Variants in HHIP observed in about 807,000 individuals in gnomAD.
The protein encoded by HHIP is hedgehog-interacting protein.
A neutral mutation model predicts 74.0 loss-of-function variants in HHIP; 12 were observed. The ratio of observed to expected loss-of-function variants is 0.16; its 90% CI spans 0.10 to 0.26. The LOEUF (loss-of-function observed/expected upper bound fraction) is 0.26. Ranked by LOEUF, HHIP falls within the 10% of genes least tolerant of loss-of-function variation. The probability of loss-of-function intolerance (pLI) is 1.00; values close to 1 mark genes in which losing one functional copy is unlikely to be tolerated. For missense variants in HHIP, 788 were observed against 845.0 expected, an observed-to-expected ratio of 0.93 and a Z score of 0.84; for synonymous variants, 309 against 311.6, an observed-to-expected ratio of 0.99 and a Z score of 0.09.
At position 144,680,065 on chromosome 4, in the gene HHIP, C is replaced by T. The variant is rs1251670115; in HGVS notation, c.831+20227C>T. 2.0e-5 allele frequency among the ~76,000 whole-genome samples: 3 copies of T among 152,126 alleles called. No homozygotes were observed. The East Asian group carries it at 5.8e-4, about 29-fold the overall frequency. ...TTTAAACATGTTCGTGAAATTAATGCTAACTATATACAATAAGCATTCAAA... is the reference window on the plus strand; with the variant it reads ...TTTAAACATGTTCGTGAAATTAATGTTAACTATATACAATAAGCATTCAAA... On this transcript the variant is annotated intron_variant, in intron 4 of 12. Coordinates refer to ENST00000296575, the MANE Select transcript of HHIP (RefSeq NM_022475.3).
chr4:144,696,954 C>T (rs1251876182), intron 4 of HHIP, among the ~76,000 whole-genome samples: 2 of 151,922 alleles, frequency 1.3e-5, no homozygotes, highest in African/African-American at 4.8e-5. Flanking sequence ...CTATTGGAGA[C>T]TTGCTCCTAA....
intron 11 of HHIP, among the ~76,000 whole-genome samples, chr4:144,728,270 A>T (rs1421749132): frequency 2.0e-5 from 3 of 152,186 alleles, no homozygotes; most frequent in Non-Finnish European, 2.9e-5. Context: ...CTTAGTGAGC[A>T]AGTGAGTTCA....
intron 2 of HHIP, among the ~76,000 whole-genome samples, chr4:144,657,140 A>T (rs563810701): frequency 6.6e-6 from 1 of 152,248 alleles, no homozygotes; most frequent in South Asian, 2.1e-4. Context: ...TCAGGGTGAG[A>T]CATTTCACTC....
intron 4 of HHIP, among the ~76,000 whole-genome samples, chr4:144,665,669 T>C (rs970618215): frequency 5.3e-5 from 8 of 152,232 alleles, no homozygotes; most frequent in African/African-American, 1.9e-4. Flanking sequence ...TTTTTGAATT[T>C]GCTATTCTAT....
At chr4:144,651,631 A>G (rs1728430848) in intron 1 of HHIP, among the ~76,000 whole-genome samples, 1 of 152,048 alleles carries the variant, frequency 6.6e-6, no homozygotes, top group Non-Finnish European at 1.5e-5. Flanking sequence ...TTTTTAATAT[A>G]AAAAATCAAT....
chr4:144,694,999 T>G (rs543672712), intron 4 of HHIP, among the ~76,000 whole-genome samples: 2 of 152,012 alleles, frequency 1.3e-5, no homozygotes, highest in Non-Finnish European at 2.9e-5. Context: ...GTCTTTATTA[T>G]AGACCAAGTC....
At chr4:144,706,111 C>T (rs985136121) in intron 4 of HHIP, among the ~76,000 whole-genome samples, 1 of 152,192 alleles carries the variant, frequency 6.6e-6, no homozygotes, top group African/African-American at 2.4e-5. Flanking sequence ...GAGTTGGCAG[C>T]CCACACTGTG....
Position 144,744,346 on chromosome 4 carries a change from T to A in HHIP, c.*6389T>A, listed in dbSNP as rs1314301666. On this transcript the variant is annotated 3_prime_UTR_variant, in exon 13 of 13. Coordinates refer to ENST00000296575, the MANE Select transcript of HHIP (RefSeq NM_022475.3). ...CAGTATTAAGGAATGGTTATCTTTA[T>A]CATTCTTCTAACATGTTTTGGTTTC... The A allele has an allele frequency of 1.3e-5, 2 of 152,250 alleles. No homozygotes were observed. The highest frequency in any genetic ancestry group is 3.8e-4 in the East Asian group (2 of 5,206). The allele number at this position is 152,250 out of a possible 1,614,324, so 9.4% of individuals were successfully genotyped here.
rs769132668 is a variant in HHIP at position 144,708,147 on chromosome 4, C to T, written c.1158-21C>T. The T allele has an allele frequency of 2.1e-5, 34 of 1,612,792 alleles. No individual in the cohort carries two copies. In the Admixed American group the frequency reaches 5.5e-4, roughly 26 times the overall value. On this transcript the variant is annotated intron_variant, in intron 6 of 12. Coordinates refer to ENST00000296575, the MANE Select transcript of HHIP (RefSeq NM_022475.3). ...ATATAATGAAAATGTAAAACACATA[C>T]TCTGTCCCCCAATTTCTCAGTGATT...
rs553342759 is a variant in HHIP at position 144,651,804 on chromosome 4, A to G, written c.280-801A>G. On this transcript the variant is annotated intron_variant, in intron 1 of 12. Transcript: ENST00000296575. ...AAACTCAATGATTCAATAACTCAAA[A>G]TGGTCTTATTGAAATAAAAGACATG... Among the ~76,000 whole-genome samples, 7 of 152,160 alleles carry G rather than the reference A, an allele frequency of 4.6e-5. No individual in the cohort carries two copies. In the East Asian group the frequency reaches 1.4e-3, roughly 29 times the overall value.
intron 4 of HHIP, among the ~76,000 whole-genome samples, chr4:144,682,231 A>T (rs553176135): frequency 7.2e-5 from 11 of 152,352 alleles, no homozygotes; most frequent in Admixed American, 2.0e-4. Flanking sequence ...GATTTGCAGG[A>T]CAGCGAAAAC....
intron 4 of HHIP, among the ~76,000 whole-genome samples, chr4:144,699,583 AG>A (rs1229604986): frequency 6.6e-6 from 1 of 152,122 alleles, no homozygotes; most frequent in African/African-American, 2.4e-5. Context: ...TCTGGCTGCA[AG>A]CCCCCATCTT....
At chr4:144,689,766 A>C (rs1446400911) in intron 4 of HHIP, among the ~76,000 whole-genome samples, 2 of 152,116 alleles carry the variant, frequency 1.3e-5, no homozygotes, top group African/African-American at 4.8e-5. Flanking sequence ...TTTTTAACTG[A>C]AGCCTTACTC....
At chr4:144,732,469 A>G (rs562147696) in intron 11 of HHIP, among the ~76,000 whole-genome samples, 2 of 152,278 alleles carry the variant, frequency 1.3e-5, no homozygotes, top group African/African-American at 4.8e-5. Context: ...CTTATGTTTG[A>G]ATGTTTGGTG....
intron 9 of HHIP, 163 bp from the exon 10 acceptor site, chr4:144,715,137 T>C (rs1375524629): frequency 3.5e-6 from 2 of 566,874 alleles, no homozygotes; most frequent in Non-Finnish European, 6.1e-6. Context: ...ATATGGGAAT[T>C]TCACAGTACT....
chr4:144,658,669 G>C, intron 2 of HHIP, 121 bp from the exon 3 acceptor site: 1 of 742,904 alleles, frequency 1.3e-6, no homozygotes, highest in Non-Finnish European at 2.1e-6. Context: ...TTCAGTCTAG[G>C]TTCTTCCTAA....
intron 4 of HHIP, among the ~76,000 whole-genome samples, chr4:144,696,607 A>C (rs563442270): frequency 6.6e-6 from 1 of 151,902 alleles, no homozygotes; most frequent in African/African-American, 2.4e-5. Flanking sequence ...GCACTGTAAC[A>C]TAATAGTTCC....
chr4:144,722,272 T>G (rs1730660580), intron 11 of HHIP, among the ~76,000 whole-genome samples: 2 of 152,180 alleles, frequency 1.3e-5, no homozygotes, highest in Admixed American at 6.5e-5. Flanking sequence ...GGGAGTCAAC[T>G]GGTCTGATCT....
chr4:144,654,277 C>T (rs1728502103), intron 2 of HHIP, among the ~76,000 whole-genome samples: 1 of 152,096 alleles, frequency 6.6e-6, no homozygotes, highest in Non-Finnish European at 1.5e-5. Flanking sequence ...ACCTCGCTCC[C>T]CAGATCAACA....
Sources: gnomAD v4.1 joint callset for allele counts (sites outside exome capture counted in the v4.1 genomes callset) on GRCh38, gnomAD v4.1.1 for gene constraint, MANE v1.5 for transcripts, NCBI Gene and HGNC (gene_info 2026-07-23, HGNC 2026-07-21) for gene names.